The following TRPS1 variants were observed in gnomAD, a reference collection of about 807,000 sequenced individuals.
TRPS1 encodes the protein zinc finger transcription factor Trps1.
In TRPS1, 6 loss-of-function variants were observed where a neutral mutation model predicts 101.2. The ratio of observed to expected loss-of-function variants is 0.06; its 90% CI spans 0.03 to 0.12. The LOEUF is 0.12. TRPS1 is among the 10% of genes least tolerant of loss of function. TRPS1 has a pLI of 1.00. For missense variants in TRPS1, 1,363 were observed against 1,567.0 expected, an observed-to-expected ratio of 0.87 and a Z score of 2.20; for synonymous variants, 578 against 589.8, an observed-to-expected ratio of 0.98 and a Z score of 0.29.
rs16887554 is a variant in TRPS1 at position 115,588,036 on chromosome 8, A to G, written c.2097-432T>C. 9.5e-3 allele frequency among the ~76,000 whole-genome samples: 1,440 copies of G among 152,306 alleles called. 24 individuals are homozygous for G. Among genetic ancestry groups the G allele is most frequent in the African/African-American group, 0.033 (1,380 of 41,550 alleles). On this transcript the variant is annotated intron_variant, in intron 4 of 6. Coordinates refer to ENST00000395715, the MANE Select transcript of TRPS1 (RefSeq NM_014112.5). ...TATATCATTTAAGTCACTATTCTTA[A>G]GTTTTCACACCTGATTTAAAATGCC...
intron 5 of TRPS1, among the ~76,000 whole-genome samples, chr8:115,494,575 A>T (rs1815104468): frequency 6.6e-6 from 1 of 152,226 alleles, no homozygotes; most frequent in South Asian, 2.1e-4. Flanking sequence ...TTCAGTCATT[A>T]TTATTTGTAG....
intron 5 of TRPS1, among the ~76,000 whole-genome samples, chr8:115,502,574 A>G (rs760944669): frequency 9.9e-5 from 15 of 152,204 alleles, no homozygotes; most frequent in Non-Finnish European, 2.1e-4. Flanking sequence ...CAAAGCTGAA[A>G]TAAGATTATC....
At chr8:115,606,524 A>G (rs1382359954) in intron 3 of TRPS1, among the ~76,000 whole-genome samples, 2 of 152,202 alleles carry the variant, frequency 1.3e-5, no homozygotes, top group Admixed American at 6.6e-5. Context: ...CCCCAATCAC[A>G]TAGATTTCAG....
At chr8:115,471,187 A>G (rs1814459757) in intron 5 of TRPS1, among the ~76,000 whole-genome samples, 1 of 152,130 alleles carries the variant, frequency 6.6e-6, no homozygotes. Context: ...GCTATACAGA[A>G]GCGCCTGAGA....
At chr8:115,521,917 G>C (rs1246869633) in intron 5 of TRPS1, among the ~76,000 whole-genome samples, 1 of 151,614 alleles carries the variant, frequency 6.6e-6, no homozygotes, top group Non-Finnish European at 1.5e-5. Context: ...AATAAAATTT[G>C]GTTTAATGTC....
rs1470545807 is a variant in TRPS1, at chr8:115,498,399, CTCTCTCTCTCTCTCTCTATATATATA to C, written c.2701-79973_2701-79948del. Among the ~76,000 whole-genome samples, 235 of 83,232 alleles carry C rather than the reference CTCTCTCTCTCTCTCTCTATATATATA, an allele frequency of 2.8e-3. 1 individual carries two copies. The highest frequency in any genetic ancestry group is 0.021 in the South Asian group (44 of 2,072). The allele number at this position is 83,232 out of a possible 152,430, so 54.6% of individuals were successfully genotyped here. Reference sequence around the variant, plus strand: ...TCTCTCTCTCTCTCTCTCTCTCTCTCTCTCTCTCTCTCTCTCTATATATATATATATATATATATATATATATATAT... The same window carrying C: ...TCTCTCTCTCTCTCTCTCTCTCTCTCTATATATATATATATATATATATAT... On this transcript the variant is annotated intron_variant, in intron 5 of 6. Transcript: ENST00000395715.
At chr8:115,448,679 T>C (rs1165001146) in intron 5 of TRPS1, among the ~76,000 whole-genome samples, 3 of 152,232 alleles carry the variant, frequency 2.0e-5, no homozygotes, top group African/African-American at 7.2e-5. Flanking sequence ...ATTTCAAGTA[T>C]GTTCTATAGG....
intron 4 of TRPS1, among the ~76,000 whole-genome samples, chr8:115,589,243 G>A (rs1817631461): frequency 1.3e-5 from 2 of 152,114 alleles, no homozygotes; most frequent in African/African-American, 2.4e-5. Flanking sequence ...TAGGGACAGG[G>A]GATCTCGTCA....
intron 1 of TRPS1, among the ~76,000 whole-genome samples, chr8:115,655,807 C>T (rs1215794483): frequency 6.6e-6 from 1 of 152,052 alleles, no homozygotes; most frequent in East Asian, 1.9e-4. Flanking sequence ...TATTGTATTC[C>T]AAATGGGCAA....
chr8:115,439,588 A>T (rs970039105), intron 5 of TRPS1, among the ~76,000 whole-genome samples: 1 of 152,214 alleles, frequency 6.6e-6, no homozygotes, highest in African/African-American at 2.4e-5. Flanking sequence ...TTTCCTCATT[A>T]GCCACAGGGG....
rs375722394 is a variant in TRPS1 at position 115,604,667 on chromosome 8, A to C, written c.1302T>G (p.Asp434Glu). 2 of 1,613,886 alleles carry C rather than the reference A, an allele frequency of 1.2e-6. No individual in the cohort carries two copies. Among genetic ancestry groups the C allele is most frequent in the Non-Finnish European group, 1.7e-6 (2 of 1,179,934 alleles). Residue 434 changes from aspartate (D) to glutamate (E), a missense_variant, in exon 4 of 7, where the codon GAT (aspartate) becomes GAG (glutamate). Around this residue, in one of 5 missense-constraint regions of TRPS1, gnomAD observed 1,020 missense variants for 1,073.0 expected, o/e 0.95. Transcript: ENST00000395715. This position sits in a 1 kb window ranked among gnomAD's most constrained non-coding sequence, Gnocchi z 4.1. Reference protein sequence around the residue: ...VGYSVPIKPLDSSRQNGTEAT... With the variant: ...VGYSVPIKPLESSRQNGTEAT... ...CCTCTGTACCATTTTGTCTAGAGGA[A>C]TCGAGGGGCTTTATGGGCACTGAGT...
At chr8:115,440,401 C>G (rs1428129377) in intron 5 of TRPS1, among the ~76,000 whole-genome samples, 1 of 152,220 alleles carries the variant, frequency 6.6e-6, no homozygotes, top group African/African-American at 2.4e-5. Flanking sequence ...GAGCAGCACA[C>G]AGCTGTACAC....
chr8:115,470,759 A>G (rs1814447888), intron 5 of TRPS1, among the ~76,000 whole-genome samples: 1 of 152,240 alleles, frequency 6.6e-6, no homozygotes, highest in Non-Finnish European at 1.5e-5. Flanking sequence ...AAACTAACAT[A>G]TCAATGATTC....
intron 5 of TRPS1, among the ~76,000 whole-genome samples, chr8:115,519,215 T>C (rs989907287): frequency 6.6e-6 from 1 of 151,652 alleles, no homozygotes; most frequent in African/African-American, 2.4e-5. Flanking sequence ...TTTAAAAAAA[T>C]GACATTTTAG....
At chr8:115,500,789 G>T (rs1446639582) in intron 5 of TRPS1, among the ~76,000 whole-genome samples, 1 of 151,954 alleles carries the variant, frequency 6.6e-6, no homozygotes, top group African/African-American at 2.4e-5. Flanking sequence ...TTAGCCAGAT[G>T]GTCTCGATCT....
intron 5 of TRPS1, among the ~76,000 whole-genome samples, chr8:115,421,864 G>A (rs936799737): frequency 3.3e-5 from 5 of 152,176 alleles, no homozygotes; most frequent in African/African-American, 1.2e-4. Context: ...TTCCTTTGAA[G>A]TTATCAACAT....
intron 3 of TRPS1, among the ~76,000 whole-genome samples, chr8:115,607,385 C>T (rs540283657): frequency 3.5e-4 from 52 of 149,670 alleles, no homozygotes; most frequent in African/African-American, 1.0e-3. Flanking sequence ...CTATAAAAAA[C>T]GAGTTAGGTC....
chr8:115,592,914 A>C (rs1446874486), intron 4 of TRPS1, among the ~76,000 whole-genome samples: 1 of 152,194 alleles, frequency 6.6e-6, no homozygotes, highest in Admixed American at 6.5e-5. Flanking sequence ...AGCTCATGAC[A>C]AGTGTGTTGG....
chr8:115,663,442 A>T (rs956790930), intron 1 of TRPS1, among the ~76,000 whole-genome samples: 2 of 151,874 alleles, frequency 1.3e-5, no homozygotes, highest in African/African-American at 2.4e-5. Context: ...AAACTAAACC[A>T]CCAGGGAAGG....
Sources: gnomAD v4.1 joint callset for allele counts (sites outside exome capture counted in the v4.1 genomes callset) on GRCh38, gnomAD v4.1.1 for gene constraint, gnomAD v4.1.1 regional missense constraint, Gnocchi (gnomAD v3.1) non-coding constraint, MANE v1.5 for transcripts, NCBI Gene and HGNC (gene_info 2026-07-23, HGNC 2026-07-21) for gene names.